The following ADK variants were observed in gnomAD, a reference collection of about 807,000 sequenced individuals.
The protein encoded by ADK is N6,N6-dimethyladenosine kinase.
ADK carries 24 observed loss-of-function variants against 44.7 expected under a neutral mutation model. The observed-to-expected ratio is 0.54, with a 90% CI of 0.39 to 0.76. The LOEUF is 0.76. ADK is among the 30% of genes least tolerant of loss of function. The probability of loss-of-function intolerance (pLI) is 0.00; values close to 1 mark genes in which losing one functional copy is unlikely to be tolerated. For synonymous variants in ADK, 128 were observed against 142.6 expected, an observed-to-expected ratio of 0.90 and a Z score of 0.73; for missense variants, 321 against 425.1, an observed-to-expected ratio of 0.76 and a Z score of 2.15.
intron 7 of ADK, among the ~76,000 whole-genome samples, chr10:74,546,576 G>A (rs370144391): frequency 4.8e-4 from 73 of 152,140 alleles, no homozygotes; most frequent in Non-Finnish European, 8.4e-4. Context: ...ATCTGAAAAG[G>A]TTACTTGTAC....
intron 9 of ADK, among the ~76,000 whole-genome samples, chr10:74,667,432 A>ATG (rs200546038): frequency 1.5e-4 from 23 of 151,232 alleles, no homozygotes; most frequent in Middle Eastern, 3.4e-3. Context: ...TATCTCAATG[A>ATG]TGTGTGTGTG....
intron 9 of ADK, among the ~76,000 whole-genome samples, chr10:74,632,054 G>A (rs1405126918): frequency 1.3e-5 from 2 of 151,466 alleles, no homozygotes; most frequent in Admixed American, 1.3e-4. Flanking sequence ...GTGCAACCGT[G>A]ACCACGATCA....
At chr10:74,479,637 T>G (rs1024408978) in intron 6 of ADK, among the ~76,000 whole-genome samples, 24 of 151,994 alleles carry the variant, frequency 1.6e-4, no homozygotes, top group Non-Finnish European at 2.9e-5. Context: ...CTCTGCTGTT[T>G]TTAAATTTTT....
chr10:74,614,152 G>A (rs935939980), intron 9 of ADK, among the ~76,000 whole-genome samples: 9 of 152,020 alleles, frequency 5.9e-5, no homozygotes, highest in Admixed American at 1.3e-4. Flanking sequence ...TAGTATCTTT[G>A]GGATGTGGTT....
At position 74,709,028 on chromosome 10, in the gene ADK, A is replaced by G. The variant is rs1856700897; in HGVS notation, c.*583A>G. 6.5e-6 allele frequency: 1 copy of G among 153,060 alleles called. No individual in the cohort carries two copies. The highest frequency in any genetic ancestry group is 6.5e-5 in the Admixed American group (1 of 15,400). 9.5% of individuals were successfully genotyped at this position (153,060 alleles called of 1,614,324 possible). A position where few individuals can be genotyped will look rare whatever the true frequency, so the allele number is the denominator to read the frequency against. On this transcript the variant is annotated 3_prime_UTR_variant, in exon 11 of 11. Transcript: ENST00000539909. ...TGTAATAAACTTTGGATAATTAAATAATGTGCCAAATTTAAGTTGTACCAC... is the reference window on the plus strand; with the variant it reads ...TGTAATAAACTTTGGATAATTAAATGATGTGCCAAATTTAAGTTGTACCAC...
intron 6 of ADK, among the ~76,000 whole-genome samples, chr10:74,417,475 A>T (rs1326552885): frequency 6.6e-6 from 1 of 152,098 alleles, no homozygotes; most frequent in African/African-American, 2.4e-5. Context: ...GAAGTTTTTT[A>T]ATATAGTATG....
chr10:74,431,955 G>A (rs1420190086), intron 6 of ADK, among the ~76,000 whole-genome samples: 2 of 152,136 alleles, frequency 1.3e-5, no homozygotes, highest in African/African-American at 4.8e-5. Context: ...CACTTTAGGA[G>A]GCCAAGGCGG....
chr10:74,507,479 G>C (rs1464830020), intron 6 of ADK, among the ~76,000 whole-genome samples: 1 of 151,868 alleles, frequency 6.6e-6, no homozygotes, highest in Non-Finnish European at 1.5e-5. Context: ...CAGGTGTGGT[G>C]GTGCACACCT....
chr10:74,474,174 T>G (rs1277995198), intron 6 of ADK, among the ~76,000 whole-genome samples: 3 of 152,206 alleles, frequency 2.0e-5, no homozygotes, highest in African/African-American at 7.2e-5. Flanking sequence ...TGGAGTGCAG[T>G]GGTGTGATCG....
chr10:74,224,397 G>A lies in ADK; in HGVS notation c.141-141G>A, dbSNP rs578001663. The A allele has an allele frequency of 4.4e-4, 307 of 699,688 alleles. No individual in the cohort carries two copies. The African/African-American group carries it at 4.7e-3, about 11-fold the overall frequency. 43.3% of individuals were successfully genotyped at this position (699,688 alleles called of 1,614,324 possible). ...ATGACTAATAGAACAGCAAAAAACC[G>A]TCTACTTGGGCATTCTTGGTGTTTT... On this transcript the variant is annotated intron_variant, in intron 2 of 10. Transcript: ENST00000539909.
At chr10:74,198,624 C>A (rs1447473797) in intron 1 of ADK, among the ~76,000 whole-genome samples, 1 of 152,112 alleles carries the variant, frequency 6.6e-6, no homozygotes, top group Non-Finnish European at 1.5e-5. Context: ...TACACAGAAA[C>A]AAATCTTTTT....
At chr10:74,381,042 T>A (rs1157144515) in intron 4 of ADK, among the ~76,000 whole-genome samples, 1 of 152,178 alleles carries the variant, frequency 6.6e-6, no homozygotes, top group Admixed American at 6.5e-5. Context: ...TGCATGAATT[T>A]CATGTGGAAA....
intron 10 of ADK, among the ~76,000 whole-genome samples, chr10:74,697,307 A>G (rs1007553423): frequency 1.3e-5 from 2 of 152,134 alleles, no homozygotes; most frequent in Non-Finnish European, 2.9e-5. Flanking sequence ...GGGAGGCTGA[A>G]GTAGAAGGAT....
At chr10:74,568,284 G>A (rs973684305) in intron 7 of ADK, among the ~76,000 whole-genome samples, 6 of 152,054 alleles carry the variant, frequency 3.9e-5, no homozygotes, top group African/African-American at 1.4e-4. Context: ...ATTATATTCT[G>A]ACTTTAAATA....
chr10:74,587,375 T>G (rs1851564442), intron 7 of ADK, among the ~76,000 whole-genome samples: 2 of 152,244 alleles, frequency 1.3e-5, no homozygotes, highest in African/African-American at 4.8e-5. Flanking sequence ...CTTATGTTTC[T>G]CTAGTAAATA....
chr10:74,300,126 C>T (rs1592008717), intron 3 of ADK, among the ~76,000 whole-genome samples: 1 of 151,384 alleles, frequency 6.6e-6, no homozygotes, highest in Non-Finnish European at 1.5e-5. Flanking sequence ...TCATGTGATC[C>T]TCCTGCCTCA....
rs561186665 is a variant in ADK at position 74,265,472 on chromosome 10, C to G, written c.194+40881C>G. Among the ~76,000 whole-genome samples the G allele has an allele frequency of 1.1e-4, 17 of 152,240 alleles. No individual in the cohort carries two copies. In the South Asian group the frequency reaches 3.3e-3, roughly 30 times the overall value. On this transcript the variant is annotated intron_variant, in intron 3 of 10. Coordinates refer to ENST00000539909, the MANE Select transcript of ADK (RefSeq NM_006721.4). ...CTCGTGATCCACCTGCCTTGGCCTC[C>G]AAAAGTGCTGGCTGAGATTACAGGC...
intron 6 of ADK, among the ~76,000 whole-genome samples, chr10:74,442,456 G>A (rs1845450444): frequency 1.3e-5 from 2 of 152,100 alleles, no homozygotes; most frequent in Admixed American, 1.3e-4. Context: ...GACTGGCCTG[G>A]CCAACATGAT....
chr10:74,274,497 G>C (rs1846580179), intron 3 of ADK, among the ~76,000 whole-genome samples: 1 of 2,242 alleles, frequency 4.5e-4, no homozygotes, highest in Non-Finnish European at 7.9e-4. Flanking sequence ...GGGAGGCAGA[G>C]GTTGCAGTGA....
Sources: gnomAD v4.1 joint callset for allele counts (sites outside exome capture counted in the v4.1 genomes callset) on GRCh38, gnomAD v4.1.1 for gene constraint, MANE v1.5 for transcripts, NCBI Gene and HGNC (gene_info 2026-07-23, HGNC 2026-07-21) for gene names.